The following CLIC5 variants were observed in gnomAD, a reference collection of about 807,000 sequenced individuals.
CLIC5 encodes chloride intracellular channel protein 5.
Under a neutral mutation model 24.7 loss-of-function variants are expected in CLIC5, and 20 were observed. The observed-to-expected ratio is 0.81, with a 90% CI of 0.57 to 1.18. The LOEUF (loss-of-function observed/expected upper bound fraction) is 1.18. CLIC5 is among the 50% of genes most tolerant of loss of function. CLIC5 has a pLI of 0.00. For missense variants in CLIC5, 341 were observed against 326.1 expected (o/e 1.05, Z -0.35); for synonymous variants, 159 against 135.6 (o/e 1.17, Z -1.20).
At chr6:46,060,725 A>G (rs1423349006) in intron 1 of CLIC5, among the ~76,000 whole-genome samples, 1 of 151,746 alleles carries the variant, frequency 6.6e-6, no homozygotes, top group Non-Finnish European at 1.5e-5. Flanking sequence ...TGGTGCCTGC[A>G]TTTTTTTTCA....
At chr6:45,939,217 CTTTT>C (rs34976541) in intron 4 of CLIC5, among the ~76,000 whole-genome samples, 7 of 115,786 alleles carry the variant, frequency 6.0e-5, no homozygotes, top group Admixed American at 4.4e-4. Flanking sequence ...CTCCTCTCCT[CTTTT>C]TTTTTTTTTT....
intron 3 of CLIC5, among the ~76,000 whole-genome samples, chr6:45,942,936 G>A (rs1764181483): frequency 6.6e-6 from 1 of 152,176 alleles, no homozygotes; most frequent in South Asian, 2.1e-4. Flanking sequence ...GTGGAGGGAC[G>A]ATGAGAACCT....
At chr6:46,125,986 A>C in the CLIC5 span, among the ~76,000 whole-genome samples, 1 of 152,140 alleles carries the variant, frequency 6.6e-6, no homozygotes, top group African/African-American at 2.4e-5. Context: ...ATGGAGTAAA[A>C]TTGGCTCCAA....
In CLIC5 at chr6:45,904,667, CCCTT is replaced by C. The variant is rs770061350; in HGVS notation, c.589-1416_589-1413del. 2.5e-3 allele frequency among the ~76,000 whole-genome samples: 358 copies of C among 145,136 alleles called. 1 individual carries two copies. The highest frequency in any genetic ancestry group is 3.6e-3 in the African/African-American group (141 of 38,910). ...CTGTCCCTTTCCTTCCCTCCCTACT[CCCTT>C]CCTTCCTTCCTTCCTTCCATCCTTC... On this transcript the variant is annotated intron_variant, in intron 5 of 5. Transcript: ENST00000339561.
chr6:46,034,554 A>T (rs1373361270), intron 1 of CLIC5, among the ~76,000 whole-genome samples: 1 of 152,204 alleles, frequency 6.6e-6, no homozygotes, highest in Non-Finnish European at 1.5e-5. Flanking sequence ...GTGAGCTATG[A>T]TTGCACCATT....
At chr6:46,009,762 A>T (rs928712627) in intron 1 of CLIC5, among the ~76,000 whole-genome samples, 34 of 152,324 alleles carry the variant, frequency 2.2e-4, no homozygotes, top group African/African-American at 7.2e-4. Context: ...CCTCTTGAAA[A>T]TAAAGAGGAT....
downstream of CLIC5, among the ~76,000 whole-genome samples, chr6:45,898,296 A>T (rs1234181166): frequency 6.6e-6 from 1 of 152,198 alleles, no homozygotes; most frequent in Admixed American, 6.5e-5. Context: ...TACAAAAATT[A>T]TCCAGGCATG....
chr6:45,900,344 GA>G lies in CLIC5; in HGVS notation c.*2743del, dbSNP rs1374503186. The G allele has an allele frequency of 6.6e-6, 1 of 152,038 alleles. No individual in the cohort carries two copies. Among genetic ancestry groups the G allele is most frequent in the Non-Finnish European group, 1.5e-5 (1 of 68,022 alleles). The allele number at this position is 152,038 out of a possible 1,614,324, so 9.4% of individuals were successfully genotyped here. On this transcript the variant is annotated 3_prime_UTR_variant, in exon 6 of 6. Coordinates refer to ENST00000339561, the MANE Select transcript of CLIC5 (RefSeq NM_016929.5). ...CGATTTGTATTCATTCAGGACCAAT[GA>G]AAAGGAAGCCTCCTACCCTATAGCT...
At chr6:45,939,217 CTTT>C (rs34976541) in intron 4 of CLIC5, among the ~76,000 whole-genome samples, 1 of 115,784 alleles carries the variant, frequency 8.6e-6, no homozygotes, top group Admixed American at 8.9e-5. Flanking sequence ...CTCCTCTCCT[CTTT>C]TTTTTTTTTT....
At chr6:45,930,962 A>G (rs921138112) in intron 4 of CLIC5, among the ~76,000 whole-genome samples, 1 of 152,258 alleles carries the variant, frequency 6.6e-6, no homozygotes, top group African/African-American at 2.4e-5. Flanking sequence ...TCCAAGGACT[A>G]AATCCAGTTC....
At chr6:46,116,894 C>T in the CLIC5 span, among the ~76,000 whole-genome samples, 1 of 152,098 alleles carries the variant, frequency 6.6e-6, no homozygotes, top group Non-Finnish European at 1.5e-5. Flanking sequence ...CCCATAGAAC[C>T]CTAGGTGAAC....
intron 1 of CLIC5, among the ~76,000 whole-genome samples, chr6:46,064,666 CA>C (rs1762392661): frequency 6.6e-6 from 1 of 151,386 alleles, no homozygotes; most frequent in African/African-American, 2.4e-5. Context: ...GGGTTTAGCC[CA>C]AAAATGCAAG....
intron 1 of CLIC5, among the ~76,000 whole-genome samples, chr6:46,060,915 C>T (rs1035297894): frequency 6.6e-6 from 1 of 152,196 alleles, no homozygotes; most frequent in Admixed American, 6.5e-5. Context: ...CCTGAACCAA[C>T]TGGTCACAGC....
chr6:45,944,886 C>CCT (rs796985902), intron 3 of CLIC5, among the ~76,000 whole-genome samples: 3 of 152,210 alleles, frequency 2.0e-5, no homozygotes, highest in South Asian at 2.1e-4. Flanking sequence ...GGAAAGACTT[C>CCT]CTCTCTCTCT....
intron 6 of CLIC5, among the ~76,000 whole-genome samples, chr6:45,886,333 C>A (rs1256068435): frequency 3.3e-5 from 5 of 152,202 alleles, no homozygotes; most frequent in Non-Finnish European, 7.3e-5. Flanking sequence ...CCTGCCTAAT[C>A]CTCCACCGTC....
chr6:46,116,958 ACAG>A, the CLIC5 span, among the ~76,000 whole-genome samples: 10 of 152,228 alleles, frequency 6.6e-5, no homozygotes, highest in Admixed American at 3.9e-4. Flanking sequence ...ATGCTTATTT[ACAG>A]ACCAGTTGTG....
the CLIC5 span, among the ~76,000 whole-genome samples, chr6:46,096,471 T>G: frequency 6.6e-6 from 1 of 152,220 alleles, no homozygotes; most frequent in East Asian, 1.9e-4. Context: ...AGGATAGGAC[T>G]TCAGTCATCC....
intron 3 of CLIC5, among the ~76,000 whole-genome samples, chr6:45,942,244 A>C (rs1764156399): frequency 6.6e-6 from 1 of 152,182 alleles, no homozygotes; most frequent in South Asian, 2.1e-4. Context: ...AAAAAAGGAC[A>C]TGTGTTTTCA....
At chr6:46,113,315 G>A in the CLIC5 span, among the ~76,000 whole-genome samples, 2 of 152,186 alleles carry the variant, frequency 1.3e-5, no homozygotes, top group Non-Finnish European at 1.5e-5. Flanking sequence ...AGACTAGAGA[G>A]TAAGAAGTGG....
Sources: gnomAD v4.1 joint callset for allele counts (sites outside exome capture counted in the v4.1 genomes callset) on GRCh38, gnomAD v4.1.1 for gene constraint, MANE v1.5 for transcripts, NCBI Gene and HGNC (gene_info 2026-07-23, HGNC 2026-07-21) for gene names.